The following NFIA variants were observed in gnomAD, a reference collection of about 807,000 sequenced individuals.
The protein encoded by NFIA is nuclear factor 1 A-type.
A neutral mutation model predicts 62.8 loss-of-function variants in NFIA; 8 were observed. The observed-to-expected ratio is 0.13, with a 90% confidence interval of 0.07 to 0.23. The LOEUF (loss-of-function observed/expected upper bound fraction) is 0.23. NFIA is among the 10% of genes least tolerant of loss of function. NFIA has a pLI of 1.00. For synonymous variants in NFIA, 235 were observed against 238.1 expected, an observed-to-expected ratio of 0.99 and a Z score of 0.12; for missense variants, 410 against 642.1, an observed-to-expected ratio of 0.64 and a Z score of 3.91.
At chr1:61,256,316 A>G (rs1339883796) in intron 2 of NFIA, among the ~76,000 whole-genome samples, 1 of 151,806 alleles carries the variant, frequency 6.6e-6, no homozygotes, top group Non-Finnish European at 1.5e-5. Context: ...CGTGCCTGTA[A>G]TCCCAGCTAC....
chr1:61,355,083 A>C lies in NFIA; in HGVS notation c.818+2516A>C, dbSNP rs904462073. ...TAGGCCGTAATTACACAGAGTAGGA[A>C]TTAAGATATTTGGAATTAGGGTAAT... On this transcript the variant is annotated intron_variant, in intron 5 of 10. Coordinates refer to ENST00000403491, the MANE Select transcript of NFIA (RefSeq NM_001134673.4). Among the ~76,000 whole-genome samples the C allele has an allele frequency of 2.8e-4, 43 of 152,240 alleles. 1 individual carries two copies. Among genetic ancestry groups the C allele is most frequent in the Admixed American group, 2.2e-3 (33 of 15,282 alleles).
chr1:61,377,632 G>C (rs1228359482), intron 6 of NFIA, among the ~76,000 whole-genome samples: 1 of 152,072 alleles, frequency 6.6e-6, no homozygotes, highest in African/African-American at 2.4e-5. Flanking sequence ...GTTTCTCTCC[G>C]TTTGTGACTA....
chr1:61,155,241 A>G (rs556617368), intron 2 of NFIA, among the ~76,000 whole-genome samples: 1 of 152,226 alleles, frequency 6.6e-6, no homozygotes, highest in East Asian at 1.9e-4. Context: ...AGAAAAGTGT[A>G]AAGGTATACT....
intron 2 of NFIA, among the ~76,000 whole-genome samples, chr1:61,162,584 T>G (rs574869932): frequency 6.6e-6 from 1 of 152,168 alleles, no homozygotes; most frequent in Non-Finnish European, 1.5e-5. Flanking sequence ...ACGGGCACTA[T>G]CCGTATTCTT....
intron 2 of NFIA, among the ~76,000 whole-genome samples, chr1:61,154,034 C>T (rs1648615701): frequency 6.6e-6 from 1 of 152,212 alleles, no homozygotes. Flanking sequence ...GATTGGGAGA[C>T]AATTTGAAAA....
rs574156375 is a variant in NFIA at position 61,183,764 on chromosome 1, G to C, written c.560-93756G>C. On this transcript the variant is annotated intron_variant, in intron 2 of 10. Coordinates refer to ENST00000403491, the MANE Select transcript of NFIA (RefSeq NM_001134673.4). ...TGGTCAGGCCTGAGAGGGAGAGGGA[G>C]AGACCTCCGTGCCTTTTAGCCAAAG... 7.9e-5 allele frequency among the ~76,000 whole-genome samples: 12 copies of C among 152,238 alleles called. 1 individual carries two copies. In the South Asian group the frequency reaches 2.5e-3, roughly 32 times the overall value.
chr1:61,383,111 T>A, intron 6 of NFIA, 126 bp from the exon 7 acceptor site: 1 of 1,214,254 alleles, frequency 8.2e-7, no homozygotes, highest in Non-Finnish European at 1.2e-6. Context: ...ATTCACAACA[T>A]CTTTTTCATT....
intron 2 of NFIA, among the ~76,000 whole-genome samples, chr1:61,188,148 A>G (rs1267964281): frequency 6.6e-6 from 1 of 152,052 alleles, no homozygotes; most frequent in Non-Finnish European, 1.5e-5. Flanking sequence ...CCCGGGTTCA[A>G]GTGATTCTCC....
intron 2 of NFIA, among the ~76,000 whole-genome samples, chr1:61,208,345 G>A (rs551289429): frequency 6.6e-6 from 1 of 152,310 alleles, no homozygotes; most frequent in East Asian, 1.9e-4. Flanking sequence ...ATGCCAGGCA[G>A]AGTGAGCTCA....
intron 3 of NFIA, among the ~76,000 whole-genome samples, chr1:61,299,557 G>T (rs1659384430): frequency 2.0e-5 from 3 of 152,232 alleles, no homozygotes; most frequent in Admixed American, 2.0e-4. Flanking sequence ...AAAATGTCTG[G>T]CAACACAGAC....
intron 2 of NFIA, among the ~76,000 whole-genome samples, chr1:61,268,207 C>T (rs902076235): frequency 1.2e-4 from 19 of 152,178 alleles, no homozygotes; most frequent in Non-Finnish European, 2.1e-4. Flanking sequence ...TTTACCCAAC[C>T]ACAGAATCTT....
chr1:61,157,351 T>C (rs1313601059), intron 2 of NFIA, among the ~76,000 whole-genome samples: 1 of 152,180 alleles, frequency 6.6e-6, no homozygotes, highest in Non-Finnish European at 1.5e-5. Context: ...AGAACTGATT[T>C]TTCAGAGGTG....
At chr1:61,089,459 T>C (rs2100416442) in intron 2 of NFIA, among the ~76,000 whole-genome samples, 1 of 152,290 alleles carries the variant, frequency 6.6e-6, no homozygotes, top group East Asian at 1.9e-4. Context: ...ATAAAACTAT[T>C]GAGGACTGGA....
intron 2 of NFIA, among the ~76,000 whole-genome samples, chr1:61,177,697 T>G (rs1650474839): frequency 7.1e-6 from 1 of 140,052 alleles, no homozygotes; most frequent in African/African-American, 2.5e-5. Flanking sequence ...TGGAATACCA[T>G]TATAATCTAT....
intron 2 of NFIA, among the ~76,000 whole-genome samples, chr1:61,187,585 A>G (rs1229115410): frequency 6.6e-6 from 1 of 152,204 alleles, no homozygotes; most frequent in African/African-American, 2.4e-5. Flanking sequence ...ACAGTCTCAG[A>G]AAGATCTGTT....
chr1:61,263,322 C>T (rs948426065), intron 2 of NFIA, among the ~76,000 whole-genome samples: 3 of 152,146 alleles, frequency 2.0e-5, no homozygotes, highest in Admixed American at 1.3e-4. Context: ...CTCACAGCCA[C>T]AGGTTAGTGC....
At chr1:61,336,354 T>C (rs979968247) in intron 4 of NFIA, among the ~76,000 whole-genome samples, 4 of 152,206 alleles carry the variant, frequency 2.6e-5, no homozygotes, top group African/African-American at 9.6e-5. Context: ...TGTTTTTAAT[T>C]AACAGACTTT....
intron 3 of NFIA, among the ~76,000 whole-genome samples, chr1:61,303,710 G>A (rs915134176): frequency 1.3e-5 from 2 of 152,130 alleles, no homozygotes; most frequent in African/African-American, 4.8e-5. Flanking sequence ...CAGATCTCTG[G>A]GCACTACCCT....
intron 2 of NFIA, among the ~76,000 whole-genome samples, chr1:61,268,990 T>C (rs923146556): frequency 6.6e-6 from 1 of 152,174 alleles, no homozygotes; most frequent in Admixed American, 6.5e-5. Context: ...TTGGGAAGCT[T>C]CTGCATTTTG....
Sources: gnomAD v4.1 joint callset for allele counts (sites outside exome capture counted in the v4.1 genomes callset) on GRCh38, gnomAD v4.1.1 for gene constraint, MANE v1.5 for transcripts, NCBI Gene and HGNC (gene_info 2026-07-23, HGNC 2026-07-21) for gene names.